The following RPP30 variants were observed in gnomAD, a reference collection of about 807,000 sequenced individuals.
RPP30 encodes the protein ribonuclease P protein subunit p30.
A neutral mutation model predicts 38.6 loss-of-function variants in RPP30; 36 were observed. That is an observed-to-expected ratio of 0.93 (90% confidence interval 0.71 to 1.23). RPP30 has a LOEUF of 1.23. RPP30 is among the 50% of genes most tolerant of loss of function. The pLI, the probability that RPP30 is intolerant of heterozygous loss-of-function variation, is 0.00. For synonymous variants in RPP30, 126 were observed against 112.7 expected (o/e 1.12, Z -0.75); for missense variants, 321 against 321.7 (o/e 1.00, Z 0.02).
chr10:90,897,946 CTTT>C (rs1410949301), intron 10 of RPP30, among the ~76,000 whole-genome samples: 1 of 152,094 alleles, frequency 6.6e-6, no homozygotes, highest in Non-Finnish European at 1.5e-5. Flanking sequence ...TCCAATTATG[CTTT>C]TTTAGTTATT....
rs1434191003 is a variant in RPP30 at position 90,900,977 on chromosome 10, A to G, written c.*298A>G. On this transcript the variant is annotated 3_prime_UTR_variant, in exon 11 of 11. Coordinates refer to ENST00000371703, the MANE Select transcript of RPP30 (RefSeq NM_006413.5). ...TATACTTGAATAAAATGTTTCAGGT[A>G]TTTTTGTTTCATTTTGTTTTTGAGA... 3.8e-6 allele frequency: 4 copies of G among 1,060,268 alleles called. No individual in the cohort carries two copies. The highest frequency in any genetic ancestry group is 4.3e-4 in the Middle Eastern group (1 of 2,342). The allele number at this position is 1,060,268 out of a possible 1,614,324, so 65.7% of individuals were successfully genotyped here. A position where few individuals can be genotyped will look rare whatever the true frequency, so the allele number is the denominator to read the frequency against.
At chr10:90,887,365 A>G (rs891813200) in intron 6 of RPP30, among the ~76,000 whole-genome samples, 3 of 151,956 alleles carry the variant, frequency 2.0e-5, no homozygotes, top group Middle Eastern at 3.2e-3. Flanking sequence ...AGGGAAAAAC[A>G]TAAAAGCTCT....
chr10:90,888,853 GGTGTCTGCTTTAAAAAAAATCTGGT>G (rs1292300714), intron 6 of RPP30, among the ~76,000 whole-genome samples: 1 of 152,002 alleles, frequency 6.6e-6, no homozygotes, highest in Non-Finnish European at 1.5e-5. Flanking sequence ...AGTTTAACAT[GGTGTCTGCTTTAAAAAAAATCTGGT>G]GTGAACATTT....
At chr10:90,895,850 C>G in intron 8 of RPP30, 30 bp from the exon 9 acceptor site, 1 of 1,508,482 alleles carries the variant, frequency 6.6e-7, no homozygotes, top group South Asian at 1.2e-5. Context: ...ATAATTTTCT[C>G]ATATCTACTC....
chr10:90,895,481 A>G lies in RPP30; in HGVS notation c.577A>G (p.Arg193Gly). ...TGTAATTATATCTAGTGCTGCAGAA[A>G]GGGTAAGTCTAGCATGAAGTACTTT... ...KNVIISSAAE[R>G]PLEIRGPYDV... The change falls in exon 8 of 11, where the codon AGG becomes GGG. Residue 193 changes from arginine (R) to glycine (G), a missense_variant and splice_region_variant. Coordinates refer to ENST00000371703, the MANE Select transcript of RPP30 (RefSeq NM_006413.5). 7.1e-7 allele frequency: 1 copy of G among 1,410,508 alleles called. No individual in the cohort carries two copies. Among genetic ancestry groups the G allele is most frequent in the Non-Finnish European group, 9.4e-7 (1 of 1,068,420 alleles). The allele number at this position is 1,410,508 out of a possible 1,614,324, so 87.4% of individuals were successfully genotyped here.
rs1847194995 is a variant in RPP30 at position 90,901,100 on chromosome 10, A to C, written c.*421A>C. On this transcript the variant is annotated 3_prime_UTR_variant, in exon 11 of 11. Transcript: ENST00000371703. Reference sequence around the variant, plus strand: ...AGTGATCCTCCCGCTTCAGCCTCTCAAGCAGCGGGAACTACAGGTGTGCAC... The same window carrying C: ...AGTGATCCTCCCGCTTCAGCCTCTCCAGCAGCGGGAACTACAGGTGTGCAC... The C allele has an allele frequency of 6.1e-6, 2 of 328,128 alleles. No homozygotes were observed. Among genetic ancestry groups the C allele is most frequent in the Non-Finnish European group, 8.7e-6 (2 of 229,800 alleles). The allele number at this position is 328,128 out of a possible 1,614,324, so 20.3% of individuals were successfully genotyped here.
rs191055780 is a variant in RPP30 at position 90,892,109 on chromosome 10, T to C, written c.433-2666T>C. Among the ~76,000 whole-genome samples the C allele has an allele frequency of 5.3e-5, 8 of 152,348 alleles. No homozygotes were observed. The East Asian group carries it at 1.5e-3, about 29-fold the overall frequency. ...ACACACCTGTCCTTAGTAGCATCTT[T>C]ATGACCATTATTTTTCATTAGTAAA... On this transcript the variant is annotated intron_variant, in intron 6 of 10. Transcript: ENST00000371703.
At chr10:90,878,548 G>C (rs1357950190) in intron 4 of RPP30, among the ~76,000 whole-genome samples, 1 of 151,378 alleles carries the variant, frequency 6.6e-6, no homozygotes, top group East Asian at 1.9e-4. Flanking sequence ...CTTGAGTGCA[G>C]TGGCATGAAC....
At chr10:90,880,471 T>C (rs757711803) in intron 5 of RPP30, among the ~76,000 whole-genome samples, 1 of 152,176 alleles carries the variant, frequency 6.6e-6, no homozygotes, top group African/African-American at 2.4e-5. Context: ...CTTATGCCTG[T>C]AATCCTAGCA....
intron 1 of RPP30, among the ~76,000 whole-genome samples, chr10:90,874,631 A>G (rs572911446): frequency 6.6e-6 from 1 of 152,362 alleles, no homozygotes; most frequent in African/African-American, 2.4e-5. Context: ...ATGACAGTGT[A>G]TGAAGAAAGT....
intron 5 of RPP30, 131 bp from the exon 6 acceptor site, chr10:90,885,681 A>G: frequency 3.1e-6 from 2 of 647,478 alleles, no homozygotes; most frequent in Non-Finnish European, 5.4e-6. Context: ...AAAAGGTCAG[A>G]TGTATTTCAA....
Position 90,878,741 on chromosome 10 carries a change from C to T in RPP30, c.271-322C>T, listed in dbSNP as rs139427160. On this transcript the variant is annotated intron_variant, in intron 4 of 10. Transcript: ENST00000371703. ...CTCCTGGGCTCAGGCAGTCCTCCCA[C>T]GTCGGCCTCCCAAAGTGCTGGGTTT... Among the ~76,000 whole-genome samples, 202 of 152,310 alleles carry T rather than the reference C, an allele frequency of 1.3e-3. 2 individuals carry two copies. Among genetic ancestry groups the T allele is most frequent in the South Asian group, 0.012 (60 of 4,816 alleles).
chr10:90,904,642 G>A (rs767469407), downstream of RPP30, among the ~76,000 whole-genome samples: 38 of 151,968 alleles, frequency 2.5e-4, no homozygotes, highest in African/African-American at 5.6e-4. Flanking sequence ...GCAAAACCCC[G>A]TCTCTACTAA....
Position 90,894,734 on chromosome 10 carries a change from T to C in RPP30, c.433-41T>C, listed in dbSNP as rs1002897178. 24 of 1,388,032 alleles carry C rather than the reference T, an allele frequency of 1.7e-5. No homozygotes were observed. In the African/African-American group the frequency reaches 3.1e-4, roughly 18 times the overall value. 86.0% of individuals were successfully genotyped at this position (1,388,032 alleles called of 1,614,324 possible). A position where few individuals can be genotyped will look rare whatever the true frequency, so the allele number is the denominator to read the frequency against. ...AATCAGTGAAAATGAAGTAGGCCAGTGCATGCTTATCTCTGACAGTTCTCT... is the reference window on the plus strand; with the variant it reads ...AATCAGTGAAAATGAAGTAGGCCAGCGCATGCTTATCTCTGACAGTTCTCT... On this transcript the variant is annotated intron_variant, in intron 6 of 10. Coordinates refer to ENST00000371703, the MANE Select transcript of RPP30 (RefSeq NM_006413.5).
rs765404338 is a variant in RPP30 at position 90,882,603 on chromosome 10, C to T, written c.343-3209C>T. On this transcript the variant is annotated intron_variant, in intron 5 of 10. Transcript: ENST00000371703. ...GTGTGAACCCGGGAGACGGAGCTTG[C>T]AGTGAGCCAAGATTGCACCACAGCA... 3.3e-5 allele frequency among the ~76,000 whole-genome samples: 5 copies of T among 152,142 alleles called. No individual in the cohort carries two copies. The East Asian group carries it at 5.8e-4, about 18-fold the overall frequency.
In RPP30 at chr10:90,901,717, A is replaced by G. The variant is rs1026225358; in HGVS notation, c.*1038A>G. 7.1e-6 allele frequency: 7 copies of G among 984,194 alleles called. No homozygotes were observed. Among genetic ancestry groups the G allele is most frequent in the Non-Finnish European group, 8.4e-6 (7 of 828,796 alleles). 61.0% of individuals were successfully genotyped at this position (984,194 alleles called of 1,614,324 possible). ...AAATACATGCATTTATGCAATATTA[A>G]TGTAAGGGCTCTAAAACAATGGAGT... is the stretch of plus-strand genomic sequence containing the variant. On this transcript the variant is annotated 3_prime_UTR_variant, in exon 11 of 11. Transcript: ENST00000371703.
In RPP30 at chr10:90,902,178, A is replaced by G; in HGVS notation, c.*1499A>G. 1.1e-6 allele frequency: 1 copy of G among 920,766 alleles called. No individual in the cohort carries two copies. The highest frequency in any genetic ancestry group is 1.3e-6 in the Non-Finnish European group (1 of 767,074). The allele number at this position is 920,766 out of a possible 1,614,324, so 57.0% of individuals were successfully genotyped here. A position where few individuals can be genotyped will look rare whatever the true frequency, so the allele number is the denominator to read the frequency against. On this transcript the variant is annotated 3_prime_UTR_variant, in exon 11 of 11. Coordinates refer to ENST00000371703, the MANE Select transcript of RPP30 (RefSeq NM_006413.5). ...TGTTTAAATAAAATATTGATTAAAA[A>G]AACATTAAAAGTGCATCATGACCAG... is the stretch of plus-strand genomic sequence containing the variant.
At chr10:90,884,365 G>C (rs1846972554) in intron 5 of RPP30, among the ~76,000 whole-genome samples, 1 of 152,192 alleles carries the variant, frequency 6.6e-6, no homozygotes, top group Non-Finnish European at 1.5e-5. Flanking sequence ...CTGATTTAAA[G>C]ACCTTTTGAG....
chr10:90,875,611 A>G lies in RPP30; in HGVS notation c.192A>G (p.Val64=), dbSNP rs1846841299. The G allele has an allele frequency of 6.2e-7, 1 of 1,612,506 alleles. No homozygotes were observed. Among genetic ancestry groups the G allele is most frequent in the Non-Finnish European group, 8.5e-7 (1 of 1,178,686 alleles). ...AACTCTTCACAACTTTGCCAATTGT[A>G]CAGGTAGGTGTTTTGTTGTTTACGA... The part of the protein sequence containing the change: ...VSELFTTLPI[V]QGKSRPIKIL... Residue 64 remains valine (V), a synonymous_variant, in exon 3 of 11, where the codon GTA becomes GTG. Transcript: ENST00000371703.
Sources: allele counts gnomAD v4.1 joint callset (sites outside exome capture counted in the v4.1 genomes callset), GRCh38; gene constraint gnomAD v4.1.1; transcripts MANE v1.5; gene names NCBI Gene and HGNC (gene_info 2026-07-23, HGNC 2026-07-21).